Variants in ZMAT3 observed in about 807,000 individuals in gnomAD.
ZMAT3 encodes zinc finger matrin-type 3.
ZMAT3 carries 17 observed loss-of-function variants against 32.3 expected under a neutral mutation model. The ratio of observed to expected loss-of-function variants is 0.53; its 90% CI spans 0.36 to 0.79. ZMAT3 has a LOEUF of 0.79. Among genes scored for constraint, ZMAT3 ranks in the 30% least tolerant of loss-of-function variants. The pLI, the probability that ZMAT3 is intolerant of heterozygous loss-of-function variation, is 0.00. For missense variants in ZMAT3, 329 were observed against 359.7 expected (o/e 0.91, Z 0.69); for synonymous variants, 120 against 133.1 (o/e 0.90, Z 0.68).
At chr3:179,048,119 G>T (rs1450772084) in intron 2 of ZMAT3, among the ~76,000 whole-genome samples, 1 of 152,066 alleles carries the variant, frequency 6.6e-6, no homozygotes, top group South Asian at 2.1e-4. Context: ...AAAGAAAAAA[G>T]AATTTTTAAA....
chr3:179,070,311 C>A (rs1327858693), intron 1 of ZMAT3, among the ~76,000 whole-genome samples: 1 of 152,208 alleles, frequency 6.6e-6, no homozygotes, highest in Non-Finnish European at 1.5e-5. Flanking sequence ...AACAGAGGCA[C>A]AAAAGGCCTC....
chr3:179,065,117 T>C (rs563267376), intron 2 of ZMAT3, among the ~76,000 whole-genome samples: 1 of 152,224 alleles, frequency 6.6e-6, no homozygotes, highest in African/African-American at 2.4e-5. Context: ...TACTTTATTA[T>C]ACCCAAACTT....
intron 1 of ZMAT3, among the ~76,000 whole-genome samples, chr3:179,068,556 T>G (rs1721544036): frequency 6.6e-6 from 1 of 151,966 alleles, no homozygotes; most frequent in African/African-American, 2.4e-5. Flanking sequence ...CAAACATATC[T>G]TCCAACCAAC....
chr3:179,057,959 G>C (rs971917395), intron 2 of ZMAT3, among the ~76,000 whole-genome samples: 1 of 152,192 alleles, frequency 6.6e-6, no homozygotes, highest in Admixed American at 6.5e-5. Flanking sequence ...CCAGTGTTAA[G>C]CTTGCCAACA....
At chr3:179,041,526 G>A (rs1719927189) in intron 2 of ZMAT3, among the ~76,000 whole-genome samples, 2 of 152,282 alleles carry the variant, frequency 1.3e-5, no homozygotes, top group South Asian at 4.1e-4. Context: ...GATGTTCTTT[G>A]AAACAAATGA....
chr3:179,025,733 G>A (rs1718833158), intron 5 of ZMAT3, among the ~76,000 whole-genome samples: 1 of 152,094 alleles, frequency 6.6e-6, no homozygotes, highest in African/African-American at 2.4e-5. Context: ...TGAATGCAAT[G>A]GAAAACTATG....
At chr3:179,059,822 G>C (rs528189082) in intron 2 of ZMAT3, among the ~76,000 whole-genome samples, 7 of 152,282 alleles carry the variant, frequency 4.6e-5, no homozygotes, top group East Asian at 1.9e-4. Flanking sequence ...CTGTTGAGAG[G>C]GGGGACTGAG....
intron 3 of ZMAT3, among the ~76,000 whole-genome samples, chr3:179,028,749 C>A (rs1177548194): frequency 6.6e-6 from 1 of 152,212 alleles, no homozygotes; most frequent in Non-Finnish European, 1.5e-5. Flanking sequence ...ATTTTCCCCA[C>A]AAATCCATGA....
chr3:179,030,373 G>A (rs1366552173), intron 3 of ZMAT3, among the ~76,000 whole-genome samples: 1 of 54,838 alleles, frequency 1.8e-5, no homozygotes, highest in African/African-American at 7.0e-5. Flanking sequence ...TTTTTTTTTT[G>A]AGATGGAGTC....
In ZMAT3 at chr3:179,020,672, C is replaced by G. The variant is rs1023669707; in HGVS notation, c.*4345G>C. On this transcript the variant is annotated 3_prime_UTR_variant, in exon 6 of 6. Transcript: ENST00000311417. ...TTAAAGGGCATTTCCAACCTTAGTTCTGACAATGAAGACACAAAGTAGGTT... is the reference window on the plus strand; with the variant it reads ...TTAAAGGGCATTTCCAACCTTAGTTGTGACAATGAAGACACAAAGTAGGTT... The G allele has an allele frequency of 5.3e-5, 8 of 152,224 alleles. No individual in the cohort carries two copies. The highest frequency in any genetic ancestry group is 1.0e-4 in the Non-Finnish European group (7 of 68,052). 9.4% of individuals were successfully genotyped at this position (152,224 alleles called of 1,614,324 possible). A position where few individuals can be genotyped will look rare whatever the true frequency, so the allele number is the denominator to read the frequency against.
At chr3:179,032,989 C>T (rs555969835) in intron 2 of ZMAT3, among the ~76,000 whole-genome samples, 7 of 152,212 alleles carry the variant, frequency 4.6e-5, no homozygotes, top group Non-Finnish European at 1.0e-4. Flanking sequence ...GGGAGGTGTA[C>T]CCAACAGCTC....
intron 2 of ZMAT3, among the ~76,000 whole-genome samples, chr3:179,059,958 C>T (rs1721066678): frequency 6.6e-6 from 1 of 152,122 alleles, no homozygotes; most frequent in South Asian, 2.1e-4. Flanking sequence ...AGAGAGCTCA[C>T]TAAAATGCTA....
chr3:179,038,113 C>A (rs1430348528), intron 2 of ZMAT3, among the ~76,000 whole-genome samples: 1 of 152,138 alleles, frequency 6.6e-6, no homozygotes, highest in Non-Finnish European at 1.5e-5. Flanking sequence ...TGAGATGGCT[C>A]CAGCCATGCA....
At chr3:179,050,912 A>C (rs1396373574) in intron 2 of ZMAT3, among the ~76,000 whole-genome samples, 4 of 152,224 alleles carry the variant, frequency 2.6e-5, no homozygotes, top group Non-Finnish European at 5.9e-5. Flanking sequence ...TAGACACAGA[A>C]AAAGCATTTG....
chr3:179,019,171 C>G lies in ZMAT3; in HGVS notation c.*5846G>C, dbSNP rs1718418906. ...GAAACTTTAAAATTTATGACAAGCA[C>G]TTAAAAATGACCAATTCTAAAATAA... On this transcript the variant is annotated 3_prime_UTR_variant, in exon 6 of 6. Coordinates refer to ENST00000311417, the MANE Select transcript of ZMAT3 (RefSeq NM_022470.4). The G allele has an allele frequency of 6.6e-6, 1 of 151,742 alleles. No homozygotes were observed. Among genetic ancestry groups the G allele is most frequent in the Admixed American group, 6.6e-5 (1 of 15,218 alleles). 9.4% of individuals were successfully genotyped at this position (151,742 alleles called of 1,614,324 possible). A position where few individuals can be genotyped will look rare whatever the true frequency, so the allele number is the denominator to read the frequency against.
At chr3:179,072,208 G>A (rs983373727), upstream of ZMAT3, 1 of 152,444 alleles carries the variant, frequency 6.6e-6, no homozygotes, top group South Asian at 2.1e-4. Flanking sequence ...TAAGGCGGCT[G>A]AGTGGATCCT....
rs537292993 is a variant in ZMAT3, at chr3:179,044,468, C to T, written c.271-13469G>A. 2.5e-3 allele frequency among the ~76,000 whole-genome samples: 382 copies of T among 152,162 alleles called. 3 individuals carry two copies. Among genetic ancestry groups the T allele is most frequent in the Non-Finnish European group, 3.7e-3 (254 of 68,002 alleles). On this transcript the variant is annotated intron_variant, in intron 2 of 5. Transcript: ENST00000311417. The stretch of plus-strand genomic sequence containing the variant: ...GAACATCCTGGCTAACATGATGAAA[C>T]CCTGTCTCTACTAAAACTACAAAAA...
chr3:179,019,393 G>A lies in ZMAT3; in HGVS notation c.*5624C>T, dbSNP rs878912109. On this transcript the variant is annotated 3_prime_UTR_variant, in exon 6 of 6. Transcript: ENST00000311417. ...AATGACACCCATGCTAAGAATTTAG[G>A]GCAGTGTATTGCCTAAAATTTACTT... 2 of 151,906 alleles carry A rather than the reference G, an allele frequency of 1.3e-5. No homozygotes were observed. Among genetic ancestry groups the A allele is most frequent in the East Asian group, 3.9e-4 (2 of 5,184 alleles). The allele number at this position is 151,906 out of a possible 1,614,324, so 9.4% of individuals were successfully genotyped here.
At position 179,038,311 on chromosome 3, in the gene ZMAT3, T is replaced by G. The variant is rs1242175984; in HGVS notation, c.271-7312A>C. 2.0e-5 allele frequency among the ~76,000 whole-genome samples: 3 copies of G among 152,308 alleles called. No individual in the cohort carries two copies. The East Asian group carries it at 5.8e-4, about 29-fold the overall frequency. On this transcript the variant is annotated intron_variant, in intron 2 of 5. Transcript: ENST00000311417. The stretch of plus-strand genomic sequence containing the variant: ...ACCATGGAACTAGGGCCAGGCACAG[T>G]GGCTCATGCCTATAATCCCAGCACT...
Sources: gnomAD v4.1 joint callset for allele counts (sites outside exome capture counted in the v4.1 genomes callset) on GRCh38, gnomAD v4.1.1 for gene constraint, MANE v1.5 for transcripts, NCBI Gene and HGNC (gene_info 2026-07-23, HGNC 2026-07-21) for gene names.